The following NELL1 variants were observed in gnomAD, a reference collection of about 807,000 sequenced individuals.
NELL1 encodes the protein neural EGFL like 1.
In NELL1, 76 loss-of-function variants were observed where a neutral mutation model predicts 107.4. The ratio of observed to expected loss-of-function variants is 0.71; its 90% CI spans 0.59 to 0.86. NELL1 has a LOEUF of 0.86. Ranked by LOEUF, NELL1 falls within the 40% of genes least tolerant of loss-of-function variation. The pLI is 0.00. For synonymous variants in NELL1, 353 were observed against 341.2 expected (o/e 1.03, Z -0.38); for missense variants, 1,024 against 1,005.5 (o/e 1.02, Z -0.25).
intron 3 of NELL1, among the ~76,000 whole-genome samples, chr11:20,816,437 C>T (rs1018167651): frequency 2.6e-5 from 4 of 152,070 alleles, no homozygotes; most frequent in East Asian, 3.9e-4. Flanking sequence ...CTTGATTTGG[C>T]TCTCAGTTTG....
chr11:20,778,849 CAG>C (rs1337307937), intron 2 of NELL1, among the ~76,000 whole-genome samples: 3 of 152,050 alleles, frequency 2.0e-5, no homozygotes, highest in African/African-American at 4.8e-5. Flanking sequence ...TAGGAGGAAA[CAG>C]GGGAAAGAGA....
intron 14 of NELL1, among the ~76,000 whole-genome samples, chr11:21,241,485 C>T (rs917589790): frequency 3.3e-5 from 5 of 152,132 alleles, no homozygotes; most frequent in African/African-American, 4.8e-5. Context: ...CTTAGGCTTA[C>T]GCCAAGTACT....
intron 2 of NELL1, among the ~76,000 whole-genome samples, chr11:20,708,998 C>T (rs939480978): frequency 2.0e-5 from 3 of 152,126 alleles, no homozygotes; most frequent in African/African-American, 7.2e-5. Flanking sequence ...AGGGGTCATG[C>T]TCCTATGAGA....
At chr11:20,884,534 C>T (rs562296876) in intron 4 of NELL1, among the ~76,000 whole-genome samples, 1 of 151,996 alleles carries the variant, frequency 6.6e-6, no homozygotes, top group African/African-American at 2.4e-5. Flanking sequence ...AGGTTGGAAG[C>T]TCGTGATCAG....
intron 12 of NELL1, among the ~76,000 whole-genome samples, chr11:21,058,739 T>G (rs2134358966): frequency 6.6e-6 from 1 of 152,298 alleles, no homozygotes; most frequent in South Asian, 2.1e-4. Flanking sequence ...ATTATTTATA[T>G]AAACAGGGCT....
intron 15 of NELL1, among the ~76,000 whole-genome samples, chr11:21,404,037 T>C (rs1852168142): frequency 1.1e-5 from 1 of 90,754 alleles, no homozygotes; most frequent in African/African-American, 4.2e-5. Flanking sequence ...CCACTGGATA[T>C]TCCCCCCGCC....
intron 15 of NELL1, among the ~76,000 whole-genome samples, chr11:21,509,612 TA>T (rs1855383961): frequency 6.6e-6 from 1 of 152,192 alleles, no homozygotes; most frequent in Non-Finnish European, 1.5e-5. Context: ...TATATCATTT[TA>T]AAAGGTAAAA....
intron 10 of NELL1, among the ~76,000 whole-genome samples, chr11:20,940,789 T>A (rs899266816): frequency 2.6e-5 from 4 of 152,156 alleles, no homozygotes; most frequent in African/African-American, 9.7e-5. Context: ...TAGACAGGCA[T>A]CTTTGGAGAC....
chr11:21,349,748 A>G (rs1850762184), intron 14 of NELL1, among the ~76,000 whole-genome samples: 1 of 152,150 alleles, frequency 6.6e-6, no homozygotes, highest in South Asian at 2.1e-4. Flanking sequence ...AGGTTGCAGT[A>G]CATTGCTGCA....
intron 1 of NELL1, chr11:20,674,466 C>T: frequency 2.0e-6 from 3 of 1,533,944 alleles, no homozygotes; most frequent in Non-Finnish European, 2.6e-6. Context: ...ACACGGTAAC[C>T]CAAAACATGA....
intron 2 of NELL1, among the ~76,000 whole-genome samples, chr11:20,708,878 G>T (rs1014879228): frequency 3.3e-5 from 5 of 152,120 alleles, no homozygotes; most frequent in African/African-American, 1.2e-4. Flanking sequence ...ATGGACTGTG[G>T]TGGGGGCAGG....
intron 2 of NELL1, among the ~76,000 whole-genome samples, chr11:20,761,815 G>A (rs1453907452): frequency 6.6e-6 from 1 of 152,216 alleles, no homozygotes; most frequent in African/African-American, 2.4e-5. Flanking sequence ...CTCGAAACTT[G>A]AAGTCTGATA....
intron 4 of NELL1, 97 bp from the exon 5 acceptor site, chr11:20,885,347 T>C: frequency 1.3e-6 from 1 of 761,916 alleles, no homozygotes; most frequent in South Asian, 1.5e-5. Context: ...CTTCTCTTCA[T>C]ACAGCAGCTA....
At chr11:21,205,110 AG>A (rs200402152) in intron 13 of NELL1, among the ~76,000 whole-genome samples, 1,529 of 152,296 alleles carry the variant, frequency 0.01, 19 homozygotes, top group African/African-American at 0.035. Context: ...TTGAGGAGGC[AG>A]TCTGACCCTT....
At chr11:21,361,381 A>T (rs1023981130) in intron 14 of NELL1, among the ~76,000 whole-genome samples, 2 of 149,680 alleles carry the variant, frequency 1.3e-5, no homozygotes, top group Admixed American at 1.3e-4. Context: ...TTTCCTTTAT[A>T]GGTTAACTGA....
At chr11:20,999,188 G>A (rs1211154353) in intron 12 of NELL1, among the ~76,000 whole-genome samples, 3 of 152,162 alleles carry the variant, frequency 2.0e-5, no homozygotes, top group African/African-American at 7.2e-5. Flanking sequence ...CCCTGTCATG[G>A]CAGAATTCTG....
chr11:20,943,329 C>G (rs78978950), intron 10 of NELL1, among the ~76,000 whole-genome samples: 1 of 151,812 alleles, frequency 6.6e-6, no homozygotes, highest in Non-Finnish European at 1.5e-5. Context: ...GCCGGGCATG[C>G]GGGTCAGCAC....
intron 2 of NELL1, among the ~76,000 whole-genome samples, chr11:20,682,956 T>C (rs940719638): frequency 1.3e-5 from 2 of 152,060 alleles, no homozygotes; most frequent in Non-Finnish European, 2.9e-5. Context: ...GAGGCTAACT[T>C]TTTATTTAAA....
intron 12 of NELL1, among the ~76,000 whole-genome samples, chr11:21,075,874 T>A (rs1418453702): frequency 2.0e-5 from 3 of 152,210 alleles, no homozygotes; most frequent in African/African-American, 7.2e-5. Flanking sequence ...TCAGAAGAAG[T>A]ATAGTTATTG....
Sources: allele counts gnomAD v4.1 joint callset (sites outside exome capture counted in the v4.1 genomes callset), GRCh38; gene constraint gnomAD v4.1.1; transcripts MANE v1.5; gene names NCBI Gene and HGNC (gene_info 2026-07-23, HGNC 2026-07-21).